The following DNAAF9 variants were observed in gnomAD, a reference collection of about 807,000 sequenced individuals.
DNAAF9 encodes shulin.
DNAAF9 carries 90 observed loss-of-function variants against 167.0 expected under a neutral mutation model. The observed-to-expected ratio is 0.54, with a 90% CI of 0.45 to 0.64. The LOEUF (loss-of-function observed/expected upper bound fraction) is 0.64. Among genes scored for constraint, DNAAF9 ranks in the 30% least tolerant of loss-of-function variants. The pLI, the probability that DNAAF9 is intolerant of heterozygous loss-of-function variation, is 0.00. For missense variants in DNAAF9, 1,315 were observed against 1,442.2 expected (o/e 0.91, Z 1.43); for synonymous variants, 491 against 508.8 (o/e 0.96, Z 0.47).
chr20:3,398,167 T>C (rs2123297317), intron 1 of DNAAF9, among the ~76,000 whole-genome samples: 1 of 152,306 alleles, frequency 6.6e-6, no homozygotes, highest in South Asian at 2.1e-4. Context: ...GGTTTGGGGC[T>C]ACAGTAACCA....
rs1372985748 is a variant in DNAAF9 at position 3,370,129 on chromosome 20, G to A, written c.612+3919C>T. Among the ~76,000 whole-genome samples the A allele has an allele frequency of 2.0e-5, 3 of 152,144 alleles. No individual in the cohort carries two copies. In the East Asian group the frequency reaches 5.8e-4, roughly 29 times the overall value. On this transcript the variant is annotated intron_variant, in intron 6 of 36. Coordinates refer to ENST00000252032, the MANE Select transcript of DNAAF9 (RefSeq NM_001009984.3). ...ACTGTTATGCAGAGCTTCTATTACT[G>A]GGTCTCCATCCCCTTATATTCTACA...
chr20:3,283,720 CAT>C (rs781647359), intron 27 of DNAAF9, among the ~76,000 whole-genome samples: 3 of 152,346 alleles, frequency 2.0e-5, no homozygotes, highest in Admixed American at 6.5e-5. Flanking sequence ...TAATGTGAAA[CAT>C]GTGCTCACTC....
rs142825910 is a variant in DNAAF9, at chr20:3,389,124, C to T, written c.84-6618G>A. Reference sequence around the variant, plus strand: ...GCTGGGATTACAGGCGCCCGCCACCCAACCCAGCTAATTTTTTCATATTTT... The same window carrying T: ...GCTGGGATTACAGGCGCCCGCCACCTAACCCAGCTAATTTTTTCATATTTT... On this transcript the variant is annotated intron_variant, in intron 1 of 36. Coordinates refer to ENST00000252032, the MANE Select transcript of DNAAF9 (RefSeq NM_001009984.3). 9.0e-3 allele frequency among the ~76,000 whole-genome samples: 1,373 copies of T among 151,910 alleles called. 20 individuals carry two copies. The highest frequency in any genetic ancestry group is 0.032 in the African/African-American group (1,319 of 41,432).
At chr20:3,352,065 G>A (rs1014316708) in intron 7 of DNAAF9, among the ~76,000 whole-genome samples, 5 of 152,018 alleles carry the variant, frequency 3.3e-5, no homozygotes, top group Non-Finnish European at 7.4e-5. Context: ...GGCCATCTAT[G>A]TTATTTTAAT....
At chr20:3,298,718 G>T (rs777034127) in intron 21 of DNAAF9, among the ~76,000 whole-genome samples, 2 of 152,066 alleles carry the variant, frequency 1.3e-5, no homozygotes, top group African/African-American at 4.8e-5. Flanking sequence ...CCATTCTGAG[G>T]ACTGTCTTTT....
At chr20:3,261,889 G>A (rs2068396526) in intron 31 of DNAAF9, among the ~76,000 whole-genome samples, 1 of 151,942 alleles carries the variant, frequency 6.6e-6, no homozygotes, top group African/African-American at 2.4e-5. Flanking sequence ...GCTAAGGGAA[G>A]GCAGCAAGGT....
intron 1 of DNAAF9, among the ~76,000 whole-genome samples, chr20:3,402,680 T>A (rs959194466): frequency 3.3e-5 from 5 of 152,056 alleles, no homozygotes; most frequent in Non-Finnish European, 7.4e-5. Context: ...TTGGCTCACA[T>A]GATCCTCCCA....
intron 12 of DNAAF9, among the ~76,000 whole-genome samples, chr20:3,326,983 C>A (rs1296047872): frequency 2.0e-5 from 3 of 152,064 alleles, no homozygotes; most frequent in Admixed American, 2.0e-4. Flanking sequence ...TCCCAGGGAC[C>A]AATCATACTG....
chr20:3,350,468 TAGG>T (rs1568621446), intron 7 of DNAAF9, among the ~76,000 whole-genome samples: 1 of 152,000 alleles, frequency 6.6e-6, no homozygotes, highest in Non-Finnish European at 1.5e-5. Flanking sequence ...ATACACATAT[TAGG>T]AGGAGGGAGA....
At chr20:3,354,680 C>T (rs1477681958) in intron 7 of DNAAF9, among the ~76,000 whole-genome samples, 2 of 152,198 alleles carry the variant, frequency 1.3e-5, no homozygotes, top group Admixed American at 1.3e-4. Flanking sequence ...TCTCTGATTA[C>T]CACACATGAC....
intron 7 of DNAAF9, among the ~76,000 whole-genome samples, chr20:3,349,697 C>T (rs2123141669): frequency 6.6e-6 from 1 of 152,256 alleles, no homozygotes; most frequent in Non-Finnish European, 1.5e-5. Flanking sequence ...TGAACTCATT[C>T]TTATTCTCAA....
At chr20:3,352,577 C>T (rs1256770057) in intron 7 of DNAAF9, among the ~76,000 whole-genome samples, 1 of 152,134 alleles carries the variant, frequency 6.6e-6, no homozygotes, top group African/African-American at 2.4e-5. Flanking sequence ...TGAATCTCTG[C>T]GTCTTACTGG....
intron 3 of DNAAF9, among the ~76,000 whole-genome samples, 155 bp downstream of exon 3, chr20:3,381,223 GA>G (rs552380855): frequency 2.6e-4 from 39 of 152,234 alleles, no homozygotes; most frequent in African/African-American, 9.4e-4. Context: ...TATCAGCAAA[GA>G]AAAAATGCCG....
At chr20:3,254,426 C>T (rs995896965) in intron 35 of DNAAF9, among the ~76,000 whole-genome samples, 1 of 152,202 alleles carries the variant, frequency 6.6e-6, no homozygotes, top group Non-Finnish European at 1.5e-5. Context: ...CTTTCATCCT[C>T]CTGTTTCCTA....
At chr20:3,293,346 G>A (rs562369558) in intron 25 of DNAAF9, among the ~76,000 whole-genome samples, 67 of 149,158 alleles carry the variant, frequency 4.5e-4, no homozygotes, top group African/African-American at 1.7e-3. Context: ...AAGGAATGGT[G>A]GGAGGGGGTC....
chr20:3,378,291 C>T (rs7272191), intron 3 of DNAAF9, among the ~76,000 whole-genome samples: 6,147 of 152,246 alleles, frequency 0.04, 171 homozygotes, highest in African/African-American at 0.079. Context: ...TCTAAGGCAA[C>T]TGCAGGCCCA....
chr20:3,255,165 A>C, intron 35 of DNAAF9, 54 bp downstream of exon 35: 9 of 1,094,408 alleles, frequency 8.2e-6, no homozygotes, highest in Non-Finnish European at 1.2e-5. Context: ...AGAGCTAGGC[A>C]AGCCGAGGAC....
chr20:3,357,331 C>T lies in DNAAF9; in HGVS notation c.690+2185G>A, dbSNP rs189611860. Among the ~76,000 whole-genome samples the T allele has an allele frequency of 2.6e-3, 402 of 152,062 alleles. 4 individuals are homozygous for T. Among genetic ancestry groups the T allele is most frequent in the East Asian group, 0.018 (92 of 5,156 alleles). On this transcript the variant is annotated intron_variant, in intron 7 of 36. Transcript: ENST00000252032. The stretch of plus-strand genomic sequence containing the variant: ...CAGTAAAAATACAAAATTAGCCAGG[C>T]GTGGTGGCACGCGCCTGTAATCCCA...
At chr20:3,314,172 T>C (rs142030232) in intron 20 of DNAAF9, among the ~76,000 whole-genome samples, 1 of 152,298 alleles carries the variant, frequency 6.6e-6, no homozygotes, top group Non-Finnish European at 1.5e-5. Context: ...AAGCCTCATT[T>C]ACATGGGACT....
Sources: gnomAD v4.1 joint callset for allele counts (sites outside exome capture counted in the v4.1 genomes callset) on GRCh38, gnomAD v4.1.1 for gene constraint, MANE v1.5 for transcripts, NCBI Gene and HGNC (gene_info 2026-07-23, HGNC 2026-07-21) for gene names.